Variants in CNTN4 observed in about 807,000 individuals in gnomAD.
CNTN4 encodes contactin 4, also known as contactin-4.
A neutral mutation model predicts 122.5 loss-of-function variants in CNTN4; 77 were observed. That is an observed-to-expected ratio of 0.63 (90% CI 0.52 to 0.76). CNTN4 has a LOEUF of 0.76. CNTN4 is among the 30% of genes least tolerant of loss of function. The pLI, the probability that CNTN4 is intolerant of heterozygous loss-of-function variation, is 0.00. For synonymous variants in CNTN4, 512 were observed against 447.0 expected (o/e 1.15, Z -1.83); for missense variants, 1,256 against 1,259.1 (o/e 1.00, Z 0.04).
At position 2,440,657 on chromosome 3, in the gene CNTN4, C is replaced by T. The variant is rs182157016; in HGVS notation, c.-89+101424C>T. ...ATTCTGAATTTTTTAATTTACTCAT[C>T]CATTCAACAGATGTATATATTCACA... On this transcript the variant is annotated intron_variant, in intron 3 of 24. Coordinates refer to ENST00000418658, the MANE Select transcript of CNTN4 (RefSeq NM_175607.3). Among the ~76,000 whole-genome samples the T allele has an allele frequency of 2.7e-3, 415 of 151,618 alleles. 3 individuals are homozygous for T. Among genetic ancestry groups the T allele is most frequent in the African/African-American group, 9.7e-3 (400 of 41,400 alleles).
intron 4 of CNTN4, among the ~76,000 whole-genome samples, chr3:2,728,703 C>A (rs920841689): frequency 1.3e-5 from 2 of 152,238 alleles, no homozygotes; most frequent in Non-Finnish European, 2.9e-5. Context: ...AGCTACCTAC[C>A]CTCCAGATGT....
At chr3:2,187,415 T>A (rs966518150) in intron 2 of CNTN4, among the ~76,000 whole-genome samples, 2 of 152,164 alleles carry the variant, frequency 1.3e-5, no homozygotes, top group African/African-American at 2.4e-5. Flanking sequence ...ATGCGGGCTC[T>A]TTTTTGGGAA....
intron 7 of CNTN4, among the ~76,000 whole-genome samples, chr3:2,828,276 C>T (rs1247694832): frequency 6.6e-6 from 1 of 152,032 alleles, no homozygotes; most frequent in Non-Finnish European, 1.5e-5. Context: ...CATTTTGATA[C>T]CAATTTCATG....
At chr3:2,170,878 AT>A (rs2036472504) in intron 2 of CNTN4, among the ~76,000 whole-genome samples, 1 of 152,226 alleles carries the variant, frequency 6.6e-6, no homozygotes, top group African/African-American at 2.4e-5. Context: ...TGTAATATGG[AT>A]TGATAACTCA....
intron 3 of CNTN4, among the ~76,000 whole-genome samples, chr3:2,364,523 C>A (rs1337666701): frequency 6.6e-6 from 1 of 151,890 alleles, no homozygotes; most frequent in Non-Finnish European, 1.5e-5. Context: ...GAGGTTAGAT[C>A]ATTTCAAAAG....
intron 2 of CNTN4, among the ~76,000 whole-genome samples, chr3:2,179,807 C>A (rs1215599647): frequency 6.6e-6 from 1 of 151,734 alleles, no homozygotes. Flanking sequence ...ATGTGAGCTA[C>A]GTAGCCAAAT....
At chr3:2,439,787 C>T (rs1348703241) in intron 3 of CNTN4, among the ~76,000 whole-genome samples, 1 of 152,062 alleles carries the variant, frequency 6.6e-6, no homozygotes, top group Admixed American at 6.6e-5. Context: ...CAGTTGTCTT[C>T]TTAGAGGGCC....
chr3:2,195,776 T>A (rs189991233), intron 2 of CNTN4, among the ~76,000 whole-genome samples: 3 of 152,342 alleles, frequency 2.0e-5, no homozygotes, highest in Admixed American at 2.0e-4. Context: ...GGCTTCCTAA[T>A]ATTTTAAGAG....
chr3:2,966,587 A>G (rs116774455), intron 13 of CNTN4, among the ~76,000 whole-genome samples: 2,678 of 152,312 alleles, frequency 0.018, 76 homozygotes, highest in African/African-American at 0.061. Flanking sequence ...ATAATCAACA[A>G]TAATTTATTG....
chr3:2,547,715 A>G (rs1192770676), intron 3 of CNTN4, among the ~76,000 whole-genome samples: 1 of 152,190 alleles, frequency 6.6e-6, no homozygotes. Flanking sequence ...ATTCACCAGA[A>G]TGAAACCAAA....
chr3:2,345,388 G>A (rs1033984265), intron 3 of CNTN4, among the ~76,000 whole-genome samples: 2 of 152,120 alleles, frequency 1.3e-5, no homozygotes, highest in African/African-American at 4.8e-5. Context: ...TTTATAAGCT[G>A]TAATGTTAAG....
intron 2 of CNTN4, among the ~76,000 whole-genome samples, chr3:2,196,520 A>G (rs1271893033): frequency 2.0e-5 from 3 of 152,164 alleles, no homozygotes; most frequent in African/African-American, 7.2e-5. Flanking sequence ...TTTATTGAGC[A>G]TCTACTATAG....
chr3:2,916,344 C>T (rs1053269779), intron 12 of CNTN4, among the ~76,000 whole-genome samples: 22 of 150,232 alleles, frequency 1.5e-4, no homozygotes, highest in African/African-American at 5.2e-4. Context: ...GCAGAGGGCC[C>T]TGCGGCCTTC....
intron 3 of CNTN4, among the ~76,000 whole-genome samples, chr3:2,352,427 C>T (rs1039064082): frequency 5.9e-5 from 9 of 152,118 alleles, no homozygotes; most frequent in South Asian, 2.1e-4. Context: ...GGCTGCGCAG[C>T]GCTCGCAGGC....
chr3:2,159,486 C>G (rs1035591460), intron 2 of CNTN4, among the ~76,000 whole-genome samples: 2 of 152,254 alleles, frequency 1.3e-5, no homozygotes, highest in South Asian at 2.1e-4. Flanking sequence ...GCAGGGGTCT[C>G]TGAGCATTGG....
intron 4 of CNTN4, among the ~76,000 whole-genome samples, chr3:2,600,662 C>G (rs1373771787): frequency 1.3e-5 from 2 of 152,136 alleles, no homozygotes; most frequent in Non-Finnish European, 2.9e-5. Flanking sequence ...AATAAACATA[C>G]GTGTGCATGT....
At chr3:2,577,724 T>C (rs1490390359) in intron 4 of CNTN4, among the ~76,000 whole-genome samples, 4 of 152,194 alleles carry the variant, frequency 2.6e-5, no homozygotes, top group Non-Finnish European at 5.9e-5. Flanking sequence ...TCTGTTCACA[T>C]TGGCAGCATT....
chr3:2,577,420 T>C (rs1293147324), intron 4 of CNTN4, among the ~76,000 whole-genome samples: 1 of 152,236 alleles, frequency 6.6e-6, no homozygotes, highest in East Asian at 1.9e-4. Context: ...TCTATAAATA[T>C]TATCTGGGTC....
At chr3:2,254,789 C>G (rs537219452) in intron 2 of CNTN4, among the ~76,000 whole-genome samples, 6 of 152,026 alleles carry the variant, frequency 3.9e-5, no homozygotes, top group Non-Finnish European at 8.8e-5. Context: ...GATATTAGCC[C>G]TTTGTCAGAT....
Sources: gnomAD v4.1 joint callset for allele counts (sites outside exome capture counted in the v4.1 genomes callset) on GRCh38, gnomAD v4.1.1 for gene constraint, MANE v1.5 for transcripts, NCBI Gene and HGNC (gene_info 2026-07-23, HGNC 2026-07-21) for gene names.